The following NID1 variants were observed in gnomAD, a reference collection of about 807,000 sequenced individuals.
NID1 encodes nidogen 1.
Under a neutral mutation model 130.6 loss-of-function variants are expected in NID1, and 76 were observed. That is an observed-to-expected ratio of 0.58 (90% CI 0.48 to 0.70). NID1 has a LOEUF of 0.70. Ranked by LOEUF, NID1 falls within the 30% of genes least tolerant of loss-of-function variation. The pLI is 0.00. For missense variants in NID1, 1,517 were observed against 1,664.8 expected (o/e 0.91, Z 1.54); for synonymous variants, 665 against 675.1 (o/e 0.98, Z 0.23).
intron 7 of NID1, among the ~76,000 whole-genome samples, chr1:236,027,725 A>G (rs1341029012): frequency 1.3e-5 from 2 of 152,080 alleles, no homozygotes; most frequent in African/African-American, 4.8e-5. Flanking sequence ...GCTATTTCAG[A>G]GGTGGAGGCA....
At chr1:236,024,039 A>G in intron 9 of NID1, 31 bp downstream of exon 9, 1 of 1,610,460 alleles carries the variant, frequency 6.2e-7, no homozygotes, top group Non-Finnish European at 8.5e-7. Flanking sequence ...CTGATTTCCC[A>G]GCCCCAACAA....
At chr1:236,035,139 C>T (rs1255151803) in intron 5 of NID1, among the ~76,000 whole-genome samples, 1 of 106,112 alleles carries the variant, frequency 9.4e-6, no homozygotes, top group Non-Finnish European at 1.8e-5. Flanking sequence ...GCTATCCCTC[C>T]CCCCTCCCCC....
At chr1:236,051,494 AC>A (rs1659763068) in intron 1 of NID1, among the ~76,000 whole-genome samples, 1 of 152,144 alleles carries the variant, frequency 6.6e-6, no homozygotes, top group Non-Finnish European at 1.5e-5. Context: ...ACTTAACAAA[AC>A]TTTCTCTTTT....
intron 15 of NID1, among the ~76,000 whole-genome samples, chr1:235,983,003 T>C (rs1657481555): frequency 6.6e-6 from 1 of 152,164 alleles, no homozygotes; most frequent in South Asian, 2.1e-4. Flanking sequence ...GCCTCCCGAG[T>C]AGCTGGGATT....
intron 1 of NID1, among the ~76,000 whole-genome samples, chr1:236,050,732 T>C (rs1177880299): frequency 1.3e-5 from 2 of 151,998 alleles, no homozygotes; most frequent in African/African-American, 4.8e-5. Flanking sequence ...ACTGATGACA[T>C]GGAAGACCAA....
chr1:236,044,070 G>A (rs1003705652), intron 3 of NID1, among the ~76,000 whole-genome samples: 1 of 152,136 alleles, frequency 6.6e-6, no homozygotes. Context: ...GGACAGAGGG[G>A]ACATACATTA....
intron 5 of NID1, 78 bp from the exon 6 acceptor site, chr1:236,032,730 G>C (rs1326203125): frequency 7.8e-6 from 12 of 1,531,016 alleles, no homozygotes; most frequent in Non-Finnish European, 1.1e-5. Context: ...TGTAGGACCT[G>C]TACCTATTGG....
intron 14 of NID1, among the ~76,000 whole-genome samples, chr1:235,987,032 G>T (rs1657593958): frequency 6.6e-6 from 1 of 152,282 alleles, no homozygotes; most frequent in African/African-American, 2.4e-5. Flanking sequence ...GACAGAAAAG[G>T]ACCAGAGGAA....
chr1:236,017,014 T>C (rs1658613239), intron 10 of NID1, 134 bp downstream of exon 10: 13 of 1,134,390 alleles, frequency 1.1e-5, no homozygotes, highest in South Asian at 4.2e-5. Context: ...CTAAGTCTGA[T>C]TCATCTTTAT....
intron 14 of NID1, among the ~76,000 whole-genome samples, chr1:235,986,663 T>G (rs1657583029): frequency 6.6e-6 from 1 of 152,240 alleles, no homozygotes; most frequent in Non-Finnish European, 1.5e-5. Flanking sequence ...CGTCTCACTA[T>G]GTTGCCCAGG....
Position 235,990,981 on chromosome 1 carries a change from G to C in NID1, c.2833C>G (p.His945Asp). 3.7e-6 allele frequency: 6 copies of C among 1,614,038 alleles called. No individual in the cohort carries two copies. The highest frequency in any genetic ancestry group is 5.1e-6 in the Non-Finnish European group (6 of 1,179,982). ...TTCCCAGTCTGGGCAAAGAGTAAAT[G>C]GGTCCCAGGAGGCAAGGGGATCACG... ...TAVIPLPPGT[H>D]LLFAQTGKIE... The change falls in exon 14 of 20, where the codon CAT (histidine) becomes GAT (aspartate). Residue 945 changes from histidine to aspartate, a missense_variant. His to Asp is a moderately conservative substitution (Grantham distance 81, BLOSUM62 -1). Around this residue, in one of 3 missense-constraint regions of NID1, gnomAD observed 1,329 missense variants for 1,429.2 expected, o/e 0.93. Coordinates refer to ENST00000264187, the MANE Select transcript of NID1 (RefSeq NM_002508.3).
chr1:236,002,684 C>A (rs551963111), intron 12 of NID1, among the ~76,000 whole-genome samples: 124 of 152,198 alleles, frequency 8.1e-4, no homozygotes, highest in African/African-American at 2.9e-3. Context: ...AGGACGGTTG[C>A]CTTTGTGCTT....
chr1:236,048,818 G>A lies in NID1; in HGVS notation c.397C>T (p.Arg133Ter), dbSNP rs370997280. Residue 133 changes from arginine to a stop codon, truncating the protein, a stop_gained, in exon 2 of 20, where the codon CGA becomes TGA. Transcript: ENST00000264187. LOFTEE classifies it high-confidence loss of function. Reference protein sequence around the residue: ...REDLSPSITQRAAECVHRGFP... With the variant: ...REDLSPSITQ ...CCTCTGTGGACACACTCTGCTGCTC[G>A]CTGAGTGATGGAGGGGGATAAGTCT... is the stretch of plus-strand genomic sequence containing the variant. 6 of 1,614,134 alleles carry A rather than the reference G, an allele frequency of 3.7e-6. No individual in the cohort carries two copies. The highest frequency in any genetic ancestry group is 1.7e-5 in the Admixed American group (1 of 60,012).
intron 15 of NID1, 143 bp from the exon 16 acceptor site, chr1:235,981,925 GT>G: frequency 1.4e-6 from 1 of 738,642 alleles, no homozygotes; most frequent in Non-Finnish European, 2.1e-6. Context: ...AATGCTTGTT[GT>G]TTATAAGATA....
intron 5 of NID1, among the ~76,000 whole-genome samples, chr1:236,035,751 G>C (rs900427773): frequency 3.3e-5 from 5 of 152,204 alleles, no homozygotes; most frequent in African/African-American, 1.2e-4. Context: ...GGCTCAACAG[G>C]TTCTCTGATC....
chr1:236,021,481 C>A (rs1486585347), intron 9 of NID1, among the ~76,000 whole-genome samples: 2 of 152,188 alleles, frequency 1.3e-5, no homozygotes, highest in Non-Finnish European at 2.9e-5. Flanking sequence ...ACTATGAAGC[C>A]AACACCGCGA....
chr1:236,021,498 G>A (rs1300891037), intron 9 of NID1, among the ~76,000 whole-genome samples: 1 of 152,196 alleles, frequency 6.6e-6, no homozygotes, highest in African/African-American at 2.4e-5. Flanking sequence ...GCGAGGCCCT[G>A]ACAGCAGGAT....
chr1:236,042,086 C>T lies in NID1; in HGVS notation c.959G>A (p.Arg320Lys). ...TTPFSYKALR[R>K]GGADTYSVPS... is the part of the protein sequence containing the mutation. ...CACACTGTATGTGTCAGCACCTCCCCTTCTCAGAGCCTTGTAGGAGAAGGG... is the reference window on the plus strand; with the variant it reads ...CACACTGTATGTGTCAGCACCTCCCTTTCTCAGAGCCTTGTAGGAGAAGGG... Residue 320 changes from arginine (R) to lysine (K), a missense_variant, in exon 4 of 20, where the codon AGG (arginine) becomes AAG (lysine). Coordinates refer to ENST00000264187, the MANE Select transcript of NID1 (RefSeq NM_002508.3). The T allele has an allele frequency of 6.2e-7, 1 of 1,614,214 alleles. No homozygotes were observed. Among genetic ancestry groups the T allele is most frequent in the Non-Finnish European group, 8.5e-7 (1 of 1,180,048 alleles).
chr1:236,037,171 A>G (rs1215705947), intron 5 of NID1, among the ~76,000 whole-genome samples: 1 of 152,248 alleles, frequency 6.6e-6, no homozygotes, highest in Non-Finnish European at 1.5e-5. Context: ...ATTGGCCCAT[A>G]GCCGAATCCA....
Sources: gnomAD v4.1 joint callset for allele counts (sites outside exome capture counted in the v4.1 genomes callset) on GRCh38, gnomAD v4.1.1 for gene constraint, gnomAD v4.1.1 regional missense constraint, MANE v1.5 for transcripts, NCBI Gene and HGNC (gene_info 2026-07-23, HGNC 2026-07-21) for gene names.